KNCN: variants seen among roughly 807,000 people sequenced by gnomAD.
KNCN encodes the protein kinocilin.
A neutral mutation model predicts 10.4 loss-of-function variants in KNCN; 11 were observed. The ratio of observed to expected loss-of-function variants is 1.06; its 90% CI spans 0.67 to 1.75. KNCN has a LOEUF of 1.75. Among genes scored for constraint, KNCN ranks in the 40% most tolerant of loss-of-function variants. The probability of loss-of-function intolerance (pLI) is 0.00; values close to 1 mark genes in which losing one functional copy is unlikely to be tolerated. For missense variants in KNCN, 172 were observed against 167.1 expected (o/e 1.03, Z -0.16); for synonymous variants, 67 against 71.6 (o/e 0.94, Z 0.33).
In KNCN at chr1:46,547,262, A is replaced by AG. The variant is rs1163505822; in HGVS notation, c.*467dup. 1.3e-5 allele frequency: 5 copies of AG among 384,722 alleles called. No homozygotes were observed. The highest frequency in any genetic ancestry group is 1.5e-5 in the Non-Finnish European group (3 of 195,818). The allele number at this position is 384,722 out of a possible 1,614,324, so 23.8% of individuals were successfully genotyped here. On this transcript the variant is annotated 3_prime_UTR_variant, in exon 4 of 4. Coordinates refer to ENST00000481882, the MANE Select transcript of KNCN (RefSeq NM_001322255.2). ...CCCCTCTATTGGGCTAGTGAGCTCT[A>AG]GAGCCCCTGGGCTAGACCGTGGGGG...
chr1:46,551,103 G>T lies in KNCN; in HGVS notation c.113C>A (p.Ala38Asp). Residue 38 changes from alanine (A) to aspartate (D), a missense_variant, in exon 1 of 4, where the codon GCT becomes GAT. By Grantham distance (126) the Ala-to-Asp change is moderately radical. Transcript: ENST00000481882. This position sits in a 1 kb window ranked among gnomAD's most constrained non-coding sequence, Gnocchi z 4.0. ...IIGISVSKAAAAMGGVFIGAA... is the reference protein window; with the variant it reads ...IIGISVSKAADAMGGVFIGAA... Reference sequence around the variant, plus strand: ...GCCAATAAAGACACCGCCCATGGCAGCTGCAGCCTTGGATACGGAGATGCC... The same window carrying T: ...GCCAATAAAGACACCGCCCATGGCATCTGCAGCCTTGGATACGGAGATGCC... 6.2e-7 allele frequency: 1 copy of T among 1,609,614 alleles called. No individual in the cohort carries two copies. The highest frequency in any genetic ancestry group is 1.1e-5 in the South Asian group (1 of 90,466).
Position 46,547,497 on chromosome 1 carries a change from G to A in KNCN, c.*233C>T. 1 of 694,898 alleles carries A rather than the reference G, an allele frequency of 1.4e-6. No individual in the cohort carries two copies. The highest frequency in any genetic ancestry group is 2.6e-6 in the Non-Finnish European group (1 of 379,238). The allele number at this position is 694,898 out of a possible 1,614,324, so 43.0% of individuals were successfully genotyped here. ...GCCTGAAACATGGGAACCCTGTGGG[G>A]GCGTCCGGCGACACCTTGCTCCAGG... On this transcript the variant is annotated 3_prime_UTR_variant, in exon 4 of 4. Coordinates refer to ENST00000481882, the MANE Select transcript of KNCN (RefSeq NM_001322255.2).
rs1270010728 is a variant in KNCN at position 46,547,148 on chromosome 1, CA to C, written c.*581del. ...TGTACCTGTCCCTTTGTGAGCCCCC[CA>C]AATTCCCCCATCTGATTCACTGCTG... On this transcript the variant is annotated 3_prime_UTR_variant, in exon 4 of 4. Transcript: ENST00000481882. 4 of 343,478 alleles carry C rather than the reference CA, an allele frequency of 1.2e-5. No homozygotes were observed. Among genetic ancestry groups the C allele is most frequent in the Non-Finnish European group, 2.3e-5 (4 of 174,738 alleles). 21.3% of individuals were successfully genotyped at this position (343,478 alleles called of 1,614,324 possible). A position where few individuals can be genotyped will look rare whatever the true frequency, so the allele number is the denominator to read the frequency against.
At position 46,551,298 on chromosome 1, in the gene KNCN, T is replaced by C. The variant is rs907808754; in HGVS notation, c.-83A>G. 2 of 1,495,288 alleles carry C rather than the reference T, an allele frequency of 1.3e-6. No homozygotes were observed. Among genetic ancestry groups the C allele is most frequent in the Admixed American group, 2.3e-5 (1 of 44,330 alleles). 92.6% of individuals were successfully genotyped at this position (1,495,288 alleles called of 1,614,324 possible). A position where few individuals can be genotyped will look rare whatever the true frequency, so the allele number is the denominator to read the frequency against. The stretch of plus-strand genomic sequence containing the variant: ...GGAAGTTTCTGGGCTCTTGGATGTC[T>C]CCTTGTTGGCGCTCCAACTTCAGGG... On this transcript the variant is annotated 5_prime_UTR_variant, in exon 1 of 4. Transcript: ENST00000481882. This position sits in a 1 kb window ranked among gnomAD's most constrained non-coding sequence, Gnocchi z 4.0.
chr1:46,550,000 G>T lies in KNCN; in HGVS notation c.154C>A (p.Leu52Ile), dbSNP rs1433890329. Residue 52 changes from leucine to isoleucine, a missense_variant and splice_region_variant, in exon 2 of 4, where the codon CTC (leucine) becomes ATC (isoleucine). Leu to Ile is a conservative substitution (Grantham distance 5). Transcript: ENST00000481882. ...AGGAAGGGGTAGGCCAAGATGAGGA[G>T]CCCTGAGAAGAGACACAGGGGGTTC... is the stretch of plus-strand genomic sequence containing the variant. Reference protein sequence around the residue: ...GVFIGAAVLGLLILAYPFLKA... With the variant: ...GVFIGAAVLGILILAYPFLKA... 1 of 1,550,710 alleles carries T rather than the reference G, an allele frequency of 6.4e-7. No homozygotes were observed. Among genetic ancestry groups the T allele is most frequent in the African/African-American group, 1.4e-5 (1 of 73,156 alleles).
chr1:46,547,608 G>T lies in KNCN; in HGVS notation c.*122C>A, dbSNP rs374167291. On this transcript the variant is annotated 3_prime_UTR_variant, in exon 4 of 4. Transcript: ENST00000481882. ...CCCATTCCAGACACTGTTCCCAGCC[G>T]CTCTGGGGTCTGCAGGGCCTGGCTT... The T allele has an allele frequency of 2.5e-6, 2 of 786,430 alleles. No homozygotes were observed. Among genetic ancestry groups the T allele is most frequent in the East Asian group, 2.7e-5 (1 of 37,578 alleles). 48.7% of individuals were successfully genotyped at this position (786,430 alleles called of 1,614,324 possible).
Position 46,547,043 on chromosome 1 carries a change from T to G in KNCN, c.*687A>C. On this transcript the variant is annotated 3_prime_UTR_variant, in exon 4 of 4. Transcript: ENST00000481882. The stretch of plus-strand genomic sequence containing the variant: ...AAGTCAGATCACAAAAAGCCTTGAG[T>G]GGTGGAGTTAAGACACCAAGGGTCT... The G allele has an allele frequency of 8.4e-6, 2 of 238,636 alleles. No homozygotes were observed. The highest frequency in any genetic ancestry group is 2.3e-5 in the African/African-American group (1 of 44,178). 14.8% of individuals were successfully genotyped at this position (238,636 alleles called of 1,614,324 possible).
intron 2 of KNCN, 111 bp downstream of exon 2, chr1:46,549,823 G>A (rs1557805579): frequency 7.9e-6 from 12 of 1,514,554 alleles, no homozygotes; most frequent in South Asian, 2.4e-5. Context: ...CAGCTAGCGC[G>A]GTCTCACACA....
rs1489431636 is a variant in KNCN at position 46,547,533 on chromosome 1, C to G, written c.*197G>C. 4 of 706,582 alleles carry G rather than the reference C, an allele frequency of 5.7e-6. No individual in the cohort carries two copies. Among genetic ancestry groups the G allele is most frequent in the Non-Finnish European group, 7.8e-6 (3 of 384,840 alleles). 43.8% of individuals were successfully genotyped at this position (706,582 alleles called of 1,614,324 possible). A position where few individuals can be genotyped will look rare whatever the true frequency, so the allele number is the denominator to read the frequency against. On this transcript the variant is annotated 3_prime_UTR_variant, in exon 4 of 4. Coordinates refer to ENST00000481882, the MANE Select transcript of KNCN (RefSeq NM_001322255.2). ...ACACCTTGCTCCAGGTCCCAGCCCA[C>G]ACCAGTGGAATCCATTTTGGAGAGG...
chr1:46,547,785 A>T lies in KNCN; in HGVS notation c.320T>A (p.Val107Glu), dbSNP rs375465614. ...CTTCAGCTTCTCCAGGGTCCTGCTCACGGTGGACAGGCTGCTGCGGGCTCC... is the reference window on the plus strand; with the variant it reads ...CTTCAGCTTCTCCAGGGTCCTGCTCTCGGTGGACAGGCTGCTGCGGGCTCC... ...KEGARSSLST[V>E]SRTLEKLKPG... The change falls in exon 4 of 4, where the codon GTG becomes GAG. Residue 107 changes from valine to glutamate, a missense_variant. Physicochemically the swap from Val to Glu is moderately radical, Grantham distance 121. Coordinates refer to ENST00000481882, the MANE Select transcript of KNCN (RefSeq NM_001322255.2). 1.2e-4 allele frequency: 170 copies of T among 1,464,998 alleles called. No homozygotes were observed. The highest frequency in any genetic ancestry group is 1.5e-4 in the Non-Finnish European group (161 of 1,108,918). The allele number at this position is 1,464,998 out of a possible 1,614,324, so 90.7% of individuals were successfully genotyped here.
Position 46,551,248 on chromosome 1 carries a change from T to G in KNCN, c.-33A>C, listed in dbSNP as rs979738880. 6.3e-7 allele frequency: 1 copy of G among 1,589,064 alleles called. No homozygotes were observed. The highest frequency in any genetic ancestry group is 1.1e-5 in the South Asian group (1 of 87,328). The stretch of plus-strand genomic sequence containing the variant: ...CACCCGGGGCACTGCCTCCAGCCGG[T>G]GCAGTCTGGCCCCAGAAAAGTCCTG... On this transcript the variant is annotated 5_prime_UTR_variant, in exon 1 of 4. Coordinates refer to ENST00000481882, the MANE Select transcript of KNCN (RefSeq NM_001322255.2). This position sits in a 1 kb window ranked among gnomAD's most constrained non-coding sequence, Gnocchi z 4.0.
In KNCN at chr1:46,551,023, T is replaced by C; in HGVS notation, c.151+42A>G. ...ACCTGACGATGCCCCTGCCCCCACC[T>C]CCAGAATCTCCCTTCCCTATCCCAG... On this transcript the variant is annotated intron_variant, in intron 1 of 3. Coordinates refer to ENST00000481882, the MANE Select transcript of KNCN (RefSeq NM_001322255.2). The surrounding 1 kb of genome is among the most constrained non-coding windows in gnomAD (Gnocchi z 4.0). 1 of 1,526,096 alleles carries C rather than the reference T, an allele frequency of 6.6e-7. No individual in the cohort carries two copies. The highest frequency in any genetic ancestry group is 8.8e-7 in the Non-Finnish European group (1 of 1,132,774). 94.5% of individuals were successfully genotyped at this position (1,526,096 alleles called of 1,614,324 possible). A position where few individuals can be genotyped will look rare whatever the true frequency, so the allele number is the denominator to read the frequency against.
chr1:46,549,523 T>C (rs1157283928), intron 2 of KNCN, among the ~76,000 whole-genome samples: 2 of 151,924 alleles, frequency 1.3e-5, no homozygotes, highest in Admixed American at 6.6e-5. Flanking sequence ...AGAAGCCCCA[T>C]AGGATTGGTG....
At chr1:46,549,752 C>T in intron 2 of KNCN, 182 bp downstream of exon 2, 2 of 1,139,818 alleles carry the variant, frequency 1.8e-6, no homozygotes, top group Non-Finnish European at 1.2e-6. Context: ...CTGGATTCTG[C>T]CGTTCTGTAG....
chr1:46,547,914 A>C, intron 3 of KNCN, 105 bp from the exon 4 acceptor site: 1 of 750,388 alleles, frequency 1.3e-6, no homozygotes, highest in East Asian at 2.8e-5. Flanking sequence ...TGCCTGGTTG[A>C]CCCCAGGGCA....
chr1:46,548,151 GTAA>G (rs1194835849), intron 3 of KNCN, among the ~76,000 whole-genome samples: 1 of 152,210 alleles, frequency 6.6e-6, no homozygotes, highest in Non-Finnish European at 1.5e-5. Context: ...TGCCCCTTAT[GTAA>G]AATGAAACTA....
In KNCN at chr1:46,547,771, C is replaced by T. The variant is rs1232767406; in HGVS notation, c.334G>A (p.Glu112Lys). Reference protein sequence around the residue: ...SSLSTVSRTLEKLKPGTRGAE... With the variant: ...SSLSTVSRTLKKLKPGTRGAE... ...CCCCGGGTCCCCGGCTTCAGCTTCT[C>T]CAGGGTCCTGCTCACGGTGGACAGG... The change falls in exon 4 of 4, where the codon GAG (glutamate) becomes AAG (lysine). Residue 112 changes from glutamate to lysine, a missense_variant. By Grantham distance (56) the Glu-to-Lys change is moderately conservative (BLOSUM62 1). Transcript: ENST00000481882. The T allele has an allele frequency of 6.8e-7, 1 of 1,477,006 alleles. No homozygotes were observed. The highest frequency in any genetic ancestry group is 1.4e-5 in the South Asian group (1 of 70,246). The allele number at this position is 1,477,006 out of a possible 1,614,324, so 91.5% of individuals were successfully genotyped here. A position where few individuals can be genotyped will look rare whatever the true frequency, so the allele number is the denominator to read the frequency against.
Position 46,547,799 on chromosome 1 carries a change from G to T in KNCN, c.306C>A (p.Ser102Arg), listed in dbSNP as rs780237187. The T allele has an allele frequency of 6.9e-6, 10 of 1,458,240 alleles. No individual in the cohort carries two copies. In the African/African-American group the frequency reaches 1.0e-4, roughly 15 times the overall value. 90.3% of individuals were successfully genotyped at this position (1,458,240 alleles called of 1,614,324 possible). The change falls in exon 4 of 4, where the codon AGC becomes AGA. Residue 102 changes from serine to arginine, a missense_variant. Transcript: ENST00000481882. Reference sequence around the variant, plus strand: ...GGGTCCTGCTCACGGTGGACAGGCTGCTGCGGGCTCCTGGGGGAGAGAACA... The same window carrying T: ...GGGTCCTGCTCACGGTGGACAGGCTTCTGCGGGCTCCTGGGGGAGAGAACA... ...STNGNKEGARSSLSTVSRTLE... is the reference protein window; with the variant it reads ...STNGNKEGARRSLSTVSRTLE...
In KNCN at chr1:46,546,290, C is replaced by T. The variant is rs553731981; in HGVS notation, c.*1440G>A. 3.7e-4 allele frequency: 56 copies of T among 152,290 alleles called. No individual in the cohort carries two copies. The highest frequency in any genetic ancestry group is 1.3e-3 in the African/African-American group (54 of 41,540). The allele number at this position is 152,290 out of a possible 1,614,324, so 9.4% of individuals were successfully genotyped here. ...GTGCTTCAGAAAACTTTGGTTTTTC[C>T]AACATCCACTGGGGTGTCGTCTGGG... On this transcript the variant is annotated 3_prime_UTR_variant, in exon 4 of 4. Coordinates refer to ENST00000481882, the MANE Select transcript of KNCN (RefSeq NM_001322255.2).
Sources: allele counts gnomAD v4.1 joint callset (sites outside exome capture counted in the v4.1 genomes callset), GRCh38; gene constraint gnomAD v4.1.1; non-coding constraint Gnocchi (gnomAD v3.1); transcripts MANE v1.5; gene names NCBI Gene and HGNC (gene_info 2026-07-23, HGNC 2026-07-21).